GRIK3: variants seen among roughly 807,000 people sequenced by gnomAD.
GRIK3 encodes glutamate ionotropic receptor kainate type subunit 3.
A neutral mutation model predicts 102.5 loss-of-function variants in GRIK3; 29 were observed. The observed-to-expected ratio is 0.28, with a 90% CI of 0.21 to 0.39. The LOEUF (loss-of-function observed/expected upper bound fraction) is 0.39, where lower values mean the gene tolerates loss of function less well. Among genes scored for constraint, GRIK3 ranks in the 10% least tolerant of loss-of-function variants. The pLI is 1.00. For missense variants in GRIK3, 908 were observed against 1,252.4 expected, an observed-to-expected ratio of 0.73 and a Z score of 4.15; for synonymous variants, 511 against 504.9, an observed-to-expected ratio of 1.01 and a Z score of -0.16.
rs931302321 is a variant in GRIK3 at position 36,796,537 on chromosome 1, T to A, written c.*5314A>T. 1 of 152,202 alleles carries A rather than the reference T, an allele frequency of 6.6e-6. No individual in the cohort carries two copies. The highest frequency in any genetic ancestry group is 1.5e-5 in the Non-Finnish European group (1 of 68,056). 9.4% of individuals were successfully genotyped at this position (152,202 alleles called of 1,614,324 possible). On this transcript the variant is annotated 3_prime_UTR_variant, in exon 16 of 16. Coordinates refer to ENST00000373091, the MANE Select transcript of GRIK3 (RefSeq NM_000831.4). ...ATGTCTGGAGGCCTCAGAGTTTCAA[T>A]CCATAAAATGGAGACAATCTGGGAG...
chr1:36,945,977 C>A (rs550115), intron 1 of GRIK3, among the ~76,000 whole-genome samples: 115,575 of 152,118 alleles, frequency 0.76, 44,988 homozygotes, highest in African/African-American at 0.93. Context: ...CTGGCCCCCT[C>A]GGAAATCTCT....
intron 1 of GRIK3, among the ~76,000 whole-genome samples, chr1:36,901,021 C>G (rs887139500): frequency 5.3e-5 from 8 of 152,138 alleles, no homozygotes; most frequent in Non-Finnish European, 8.8e-5. Context: ...AGGACTCTCT[C>G]TATTAAAGAA....
At chr1:36,992,268 G>A (rs1473246596) in intron 1 of GRIK3, among the ~76,000 whole-genome samples, 1 of 152,178 alleles carries the variant, frequency 6.6e-6, no homozygotes, top group Non-Finnish European at 1.5e-5. Context: ...GAAAAAACCA[G>A]GAGTGTAGTG....
At chr1:36,984,389 C>T (rs1403987698) in intron 1 of GRIK3, among the ~76,000 whole-genome samples, 1 of 152,232 alleles carries the variant, frequency 6.6e-6, no homozygotes, top group Non-Finnish European at 1.5e-5. Context: ...GTCAGGAGCT[C>T]CAGTGGGAGA....
At chr1:36,916,659 C>T (rs1443576700) in intron 1 of GRIK3, among the ~76,000 whole-genome samples, 4 of 152,186 alleles carry the variant, frequency 2.6e-5, no homozygotes, top group African/African-American at 9.7e-5. Flanking sequence ...CGGGTGGAAG[C>T]CCCAAGCCTC....
At chr1:36,887,019 T>G (rs888976753) in intron 2 of GRIK3, among the ~76,000 whole-genome samples, 6 of 152,250 alleles carry the variant, frequency 3.9e-5, no homozygotes, top group African/African-American at 1.4e-4. Flanking sequence ...AATTTACTTC[T>G]AACTTTTGAT....
At chr1:36,810,666 G>A (rs1642551424) in intron 13 of GRIK3, among the ~76,000 whole-genome samples, 1 of 152,200 alleles carries the variant, frequency 6.6e-6, no homozygotes, top group African/African-American at 2.4e-5. Context: ...CAAGACCTTG[G>A]TTGTTTTCCA....
chr1:36,971,047 C>T (rs1296742899), intron 1 of GRIK3, among the ~76,000 whole-genome samples: 3 of 152,204 alleles, frequency 2.0e-5, no homozygotes, highest in Non-Finnish European at 2.9e-5. Flanking sequence ...TCTGGCTTTA[C>T]TGCTGTGGGA....
intron 1 of GRIK3, among the ~76,000 whole-genome samples, chr1:36,935,013 C>T (rs1430439039): frequency 6.6e-6 from 1 of 152,168 alleles, no homozygotes; most frequent in East Asian, 1.9e-4. Flanking sequence ...TCTTCCAATC[C>T]CTTCCTCCCC....
intron 1 of GRIK3, among the ~76,000 whole-genome samples, chr1:36,942,564 G>T (rs2124326041): frequency 6.6e-6 from 1 of 152,230 alleles, no homozygotes; most frequent in East Asian, 1.9e-4. Flanking sequence ...GAAGTCAAGG[G>T]CCAAACCCCA....
intron 9 of GRIK3, among the ~76,000 whole-genome samples, chr1:36,845,374 G>A (rs577433223): frequency 6.6e-6 from 1 of 152,304 alleles, no homozygotes; most frequent in East Asian, 1.9e-4. Context: ...ACGGAAAACA[G>A]GGGTCCAGAA....
At chr1:36,993,411 C>T (rs143229656) in intron 1 of GRIK3, among the ~76,000 whole-genome samples, 92 of 152,262 alleles carry the variant, frequency 6.0e-4, no homozygotes, top group African/African-American at 1.9e-3. Flanking sequence ...TACAGGCACA[C>T]GCCACCCCAC....
At chr1:36,946,194 T>G (rs553055050) in intron 1 of GRIK3, among the ~76,000 whole-genome samples, 2 of 152,372 alleles carry the variant, frequency 1.3e-5, no homozygotes, top group African/African-American at 4.8e-5. Flanking sequence ...CAGAGCCTCC[T>G]GGGCAAGCCC....
intron 9 of GRIK3, among the ~76,000 whole-genome samples, chr1:36,847,897 G>T (rs1640536129): frequency 1.3e-5 from 2 of 152,348 alleles, no homozygotes; most frequent in Admixed American, 6.5e-5. Flanking sequence ...CAGCTGAGAG[G>T]CTGTGGGACA....
intron 2 of GRIK3, among the ~76,000 whole-genome samples, chr1:36,881,282 T>C (rs1372675217): frequency 6.6e-6 from 1 of 152,112 alleles, no homozygotes; most frequent in African/African-American, 2.4e-5. Flanking sequence ...TGGCTGATGG[T>C]GCTTCAACTT....
intron 1 of GRIK3, among the ~76,000 whole-genome samples, chr1:36,961,623 G>T (rs1642010381): frequency 6.6e-6 from 1 of 152,228 alleles, no homozygotes; most frequent in African/African-American, 2.4e-5. Flanking sequence ...TGTGAGACGG[G>T]AGGGCTCAAC....
chr1:36,839,321 G>A (rs1375108808), intron 10 of GRIK3, among the ~76,000 whole-genome samples: 1 of 152,138 alleles, frequency 6.6e-6, no homozygotes, highest in Non-Finnish European at 1.5e-5. Flanking sequence ...AATAATTATA[G>A]TTATTACTAA....
chr1:36,828,032 C>A (rs1265724184), intron 10 of GRIK3, among the ~76,000 whole-genome samples: 1 of 151,596 alleles, frequency 6.6e-6, no homozygotes, highest in Non-Finnish European at 1.5e-5. Context: ...CACCCCAGCT[C>A]CTGGAGTCCT....
intron 11 of GRIK3, among the ~76,000 whole-genome samples, chr1:36,824,624 C>T (rs918352011): frequency 1.1e-4 from 16 of 152,150 alleles, no homozygotes; most frequent in African/African-American, 3.6e-4. Flanking sequence ...CAAATTGCCT[C>T]TCCAGAGAAG....
Sources: allele counts gnomAD v4.1 joint callset (sites outside exome capture counted in the v4.1 genomes callset), GRCh38; gene constraint gnomAD v4.1.1; transcripts MANE v1.5; gene names NCBI Gene and HGNC (gene_info 2026-07-23, HGNC 2026-07-21).